Variants in PBX1 observed in about 807,000 individuals in gnomAD.
The protein encoded by PBX1 is pre-B-cell leukemia transcription factor 1.
Under a neutral mutation model 53.4 loss-of-function variants are expected in PBX1, and 6 were observed. The observed-to-expected ratio is 0.11, with a 90% CI of 0.06 to 0.22. The LOEUF (loss-of-function observed/expected upper bound fraction) is 0.22. Among genes scored for constraint, PBX1 ranks in the 10% least tolerant of loss-of-function variants. The pLI, the probability that PBX1 is intolerant of heterozygous loss-of-function variation, is 1.00. For synonymous variants in PBX1, 204 were observed against 212.3 expected, an observed-to-expected ratio of 0.96 and a Z score of 0.34; for missense variants, 251 against 551.4, an observed-to-expected ratio of 0.46 and a Z score of 5.46.
At position 164,848,057 on chromosome 1, in the gene PBX1, G is replaced by T; in HGVS notation, c.*1381G>T. 1 of 1,050,824 alleles carries T rather than the reference G, an allele frequency of 9.5e-7. No individual in the cohort carries two copies. The highest frequency in any genetic ancestry group is 1.1e-6 in the Non-Finnish European group (1 of 870,260). 65.1% of individuals were successfully genotyped at this position (1,050,824 alleles called of 1,614,324 possible). On this transcript the variant is annotated 3_prime_UTR_variant, in exon 9 of 9. Coordinates refer to ENST00000420696, the MANE Select transcript of PBX1 (RefSeq NM_002585.4). The stretch of plus-strand genomic sequence containing the variant: ...CTTGGTCCTGACCTATTGCTCTGGA[G>T]GAAAGAGTTGTATAAGAACGTGGCT...
At chr1:164,591,287 C>T (rs994067679) in intron 2 of PBX1, among the ~76,000 whole-genome samples, 15 of 152,164 alleles carry the variant, frequency 9.9e-5, no homozygotes, top group South Asian at 2.1e-4. Flanking sequence ...GCTGGGATTA[C>T]AGGCGTCAGC....
At chr1:164,603,394 C>T (rs1770555) in intron 2 of PBX1, among the ~76,000 whole-genome samples, 116,092 of 152,068 alleles carry the variant, frequency 0.76, 44,481 homozygotes, top group African/African-American at 0.8. Flanking sequence ...CAAAATAATG[C>T]GGATTTGTCC....
At chr1:164,594,047 ATTAT>A (rs1052865912) in intron 2 of PBX1, among the ~76,000 whole-genome samples, 2 of 152,332 alleles carry the variant, frequency 1.3e-5, no homozygotes, top group East Asian at 3.9e-4. Flanking sequence ...TAGTGTGATT[ATTAT>A]AATAACTTAA....
chr1:164,674,856 C>CCG (rs1553228587), intron 2 of PBX1: 1 of 89,538 alleles, frequency 1.1e-5, no homozygotes, highest in Non-Finnish European at 2.8e-5. Flanking sequence ...AGCCCCCCCC[C>CCG]CCCCCCACCC....
chr1:164,733,007 G>A (rs372081261), intron 2 of PBX1, among the ~76,000 whole-genome samples: 2 of 152,136 alleles, frequency 1.3e-5, no homozygotes, highest in African/African-American at 4.8e-5. Flanking sequence ...ATATTTTTCA[G>A]TCTTGATCTT....
chr1:164,719,035 G>C (rs1328401880), intron 2 of PBX1, among the ~76,000 whole-genome samples: 1 of 151,868 alleles, frequency 6.6e-6, no homozygotes, highest in Non-Finnish European at 1.5e-5. Flanking sequence ...AAAAAAAAAA[G>C]TGTTTCAGAA....
At chr1:164,659,863 T>G (rs1449217064) in intron 2 of PBX1, among the ~76,000 whole-genome samples, 1 of 152,190 alleles carries the variant, frequency 6.6e-6, no homozygotes, top group Non-Finnish European at 1.5e-5. Context: ...AGAGTCTGTC[T>G]CCTAACAGGC....
At chr1:164,858,447 GCACACA>G (rs4035257) in intron 2 of PBX1, among the ~76,000 whole-genome samples, 54,154 of 148,478 alleles carry the variant, frequency 0.36, 9,828 homozygotes, top group Middle Eastern at 0.44. Context: ...CCCAGAGCCA[GCACACA>G]CACACACACA....
intron 2 of PBX1, 102 bp from the exon 3 acceptor site, chr1:164,792,392 G>C (rs1422841894): frequency 3.3e-6 from 5 of 1,515,990 alleles, no homozygotes; most frequent in Non-Finnish European, 4.4e-6. Flanking sequence ...CATCTTGCAA[G>C]TAACTTGGCA....
chr1:164,754,327 A>G (rs1186863481), intron 2 of PBX1, among the ~76,000 whole-genome samples: 2 of 152,210 alleles, frequency 1.3e-5, no homozygotes, highest in Non-Finnish European at 2.9e-5. Flanking sequence ...CATGAGAAAG[A>G]GCCGCAGTAG....
chr1:164,602,901 A>G (rs1432741414), intron 2 of PBX1, among the ~76,000 whole-genome samples: 1 of 152,176 alleles, frequency 6.6e-6, no homozygotes, highest in Non-Finnish European at 1.5e-5. Context: ...GAAGGCTGCC[A>G]TTGGAACCAG....
chr1:164,870,214 TTTCTTTCCTTCCTTCCTTCC>T (rs1448287318), intron 2 of PBX1, among the ~76,000 whole-genome samples: 43 of 82,454 alleles, frequency 5.2e-4, no homozygotes, highest in African/African-American at 1.4e-3. Context: ...CTTTCTTTTC[TTTCTTTCCTTCCTTCCTTCC>T]TTCCTTCCTT....
At chr1:164,624,392 A>G (rs1331838915) in intron 2 of PBX1, among the ~76,000 whole-genome samples, 1 of 152,224 alleles carries the variant, frequency 6.6e-6, no homozygotes, top group African/African-American at 2.4e-5. Context: ...GGAGTAAAAC[A>G]AGGAGTGGTA....
At position 164,584,363 on chromosome 1, in the gene PBX1, AAGAG is replaced by A. The variant is rs61298874; in HGVS notation, c.265+21070_265+21073del. Among the ~76,000 whole-genome samples the A allele has an allele frequency of 3.4e-3, 501 of 147,990 alleles. 4 individuals carry two copies. The highest frequency in any genetic ancestry group is 0.02 in the South Asian group (93 of 4,616). ...GGAAGGAGGGAGGGAGAGAGAGAGA[AAGAG>A]AGAGAGAGAGAGAGAGATCTAAAAG... On this transcript the variant is annotated intron_variant, in intron 2 of 8. Coordinates refer to ENST00000420696, the MANE Select transcript of PBX1 (RefSeq NM_002585.4).
intron 2 of PBX1, among the ~76,000 whole-genome samples, chr1:164,692,323 AG>A (rs1441938144): frequency 6.6e-6 from 1 of 152,174 alleles, no homozygotes; most frequent in Admixed American, 6.5e-5. Flanking sequence ...AAATGATTTT[AG>A]TGTTTTTTAT....
chr1:164,640,624 T>C (rs1659078772), intron 2 of PBX1, among the ~76,000 whole-genome samples: 1 of 145,324 alleles, frequency 6.9e-6, no homozygotes, highest in African/African-American at 2.5e-5. Flanking sequence ...TGGCACGATC[T>C]CAGCTCACTG....
At chr1:164,771,072 A>G (rs1433655924) in intron 2 of PBX1, 2 of 152,078 alleles carry the variant, frequency 1.3e-5, no homozygotes, top group East Asian at 1.9e-4. Flanking sequence ...CCTTGAAGAT[A>G]TGGAATACTT....
chr1:164,883,278 A>G (rs1020821275), intron 2 of PBX1, among the ~76,000 whole-genome samples: 1 of 152,182 alleles, frequency 6.6e-6, no homozygotes, highest in African/African-American at 2.4e-5. Context: ...CCTCTCACCC[A>G]TAAAAAAAAT....
intron 2 of PBX1, among the ~76,000 whole-genome samples, chr1:164,618,635 G>T (rs1657460552): frequency 1.3e-5 from 2 of 152,154 alleles, no homozygotes; most frequent in Non-Finnish European, 2.9e-5. Context: ...AATCAGTAGG[G>T]TTTTTTTACC....
Sources: gnomAD v4.1 joint callset for allele counts (sites outside exome capture counted in the v4.1 genomes callset) on GRCh38, gnomAD v4.1.1 for gene constraint, MANE v1.5 for transcripts, NCBI Gene and HGNC (gene_info 2026-07-23, HGNC 2026-07-21) for gene names.